TECTA: variants seen among roughly 807,000 people sequenced by gnomAD.
TECTA encodes tectorin alpha.
TECTA carries 128 observed loss-of-function variants against 216.8 expected under a neutral mutation model. The ratio of observed to expected loss-of-function variants is 0.59; its 90% CI spans 0.51 to 0.68. TECTA has a LOEUF of 0.68. TECTA is among the 30% of genes least tolerant of loss of function. TECTA has a pLI of 0.00. For missense variants in TECTA, 2,551 were observed against 2,786.2 expected (o/e 0.92, Z 1.90); for synonymous variants, 1,089 against 1,117.1 (o/e 0.97, Z 0.50).
intron 20 of TECTA, among the ~76,000 whole-genome samples, chr11:121,171,432 T>C (rs993125361): frequency 1.3e-5 from 2 of 152,100 alleles, no homozygotes; most frequent in African/African-American, 2.4e-5. Context: ...TTATACAAAT[T>C]TTAGGATTTT....
chr11:121,120,132 A>T (rs913010102), intron 7 of TECTA, among the ~76,000 whole-genome samples: 1 of 152,046 alleles, frequency 6.6e-6, no homozygotes, highest in Non-Finnish European at 1.5e-5. Context: ...TTGTATTTTG[A>T]TTAAAATTCT....
At chr11:121,133,082 T>C (rs568382681) in intron 10 of TECTA, among the ~76,000 whole-genome samples, 1 of 152,340 alleles carries the variant, frequency 6.6e-6, no homozygotes, top group African/African-American at 2.4e-5. Context: ...ACCTGGCCCA[T>C]TGTATTTCCT....
rs1946624692 is a variant in TECTA at position 121,127,522 on chromosome 11, G to C, written c.1775-230G>C. 6.6e-6 allele frequency among the ~76,000 whole-genome samples: 1 copy of C among 152,122 alleles called. No individual in the cohort carries two copies. The highest frequency in any genetic ancestry group is 2.4e-5 in the African/African-American group (1 of 41,422). ...ATCCTGAAAGTTTAATTTTAGTCAA[G>C]ATGATCAAATTCCAATAGAAGTTCA... is the stretch of plus-strand genomic sequence containing the variant. On this transcript the variant is annotated intron_variant, in intron 8 of 23. Transcript: ENST00000392793. The surrounding 1 kb of genome is among the most constrained non-coding windows in gnomAD (Gnocchi z 5.0).
chr11:121,137,275 AATGC>A, intron 10 of TECTA, 142 bp from the exon 11 acceptor site: 1 of 1,054,302 alleles, frequency 9.5e-7, no homozygotes, highest in Non-Finnish European at 1.4e-6. Context: ...TGCATGCACA[AATGC>A]ATGCATACAC....
chr11:121,148,643 A>G (rs1342975855), intron 12 of TECTA, among the ~76,000 whole-genome samples: 2 of 152,146 alleles, frequency 1.3e-5, no homozygotes, highest in African/African-American at 4.8e-5. Flanking sequence ...AATTAATCCA[A>G]TCTAGCAATT....
intron 17 of TECTA, 112 bp downstream of exon 17, chr11:121,165,495 T>C: frequency 1.2e-6 from 1 of 837,514 alleles, no homozygotes; most frequent in Non-Finnish European, 1.9e-6. Context: ...AGTGAAGCTT[T>C]CAGGAGCATT....
chr11:121,189,827 C>T lies in TECTA; in HGVS notation c.6314C>T (p.Pro2105Leu), dbSNP rs748619631. 6.2e-6 allele frequency: 10 copies of T among 1,613,720 alleles called. No homozygotes were observed. The Admixed American group carries it at 8.3e-5, about 13-fold the overall frequency. The change falls in exon 23 of 24, where the codon CCT (proline) becomes CTT (leucine). Residue 2105 changes from proline (P) to leucine (L), a missense_variant. Pro to Leu is a moderately conservative substitution (Grantham distance 98). Transcript: ENST00000392793. ...ATTTGCACGAGCCGGGTGGATGGGC[C>T]TCTCTGCAGCTGTGTAACAGGAACC... ...EQICTSRVDG[P>L]LCSCVTGTLQ...
chr11:121,124,786 T>G (rs1056245216), intron 7 of TECTA, among the ~76,000 whole-genome samples: 1 of 152,160 alleles, frequency 6.6e-6, no homozygotes, highest in Non-Finnish European at 1.5e-5. Flanking sequence ...AGTACAACAC[T>G]TGGAGAATAC....
rs572227550 is a variant in TECTA at position 121,116,242 on chromosome 11, C to T, written c.791-2064C>T. On this transcript the variant is annotated intron_variant, in intron 6 of 23. Coordinates refer to ENST00000392793, the MANE Select transcript of TECTA (RefSeq NM_005422.4). ...CCTCCTCCCCTACAGAGTGTAAATA[C>T]GGCATCACTTAAGGTCTGTGAGAGA... is the stretch of plus-strand genomic sequence containing the variant. Among the ~76,000 whole-genome samples the T allele has an allele frequency of 1.6e-4, 25 of 152,292 alleles. No individual in the cohort carries two copies. The Middle Eastern group carries it at 0.024, about 145-fold the overall frequency.
intron 1 of TECTA, among the ~76,000 whole-genome samples, chr11:121,101,663 A>G (rs1042328904): frequency 4.6e-5 from 7 of 152,252 alleles, no homozygotes; most frequent in South Asian, 2.1e-4. Context: ...AAAGATTTGC[A>G]ATAAAACTCT....
chr11:121,162,421 G>C (rs1947010769), intron 16 of TECTA, 51 bp downstream of exon 16: 6 of 1,581,458 alleles, frequency 3.8e-6, no homozygotes, highest in Middle Eastern at 1.7e-4. Context: ...GAAAAGAACA[G>C]CTTTGCTGGT....
At chr11:121,147,099 T>A (rs1946845756) in intron 12 of TECTA, among the ~76,000 whole-genome samples, 1 of 152,186 alleles carries the variant, frequency 6.6e-6, no homozygotes, top group Non-Finnish European at 1.5e-5. Flanking sequence ...GGGGAAACAC[T>A]GTTGGTCTTT....
At chr11:121,161,218 G>A (rs1946994946) in intron 15 of TECTA, among the ~76,000 whole-genome samples, 1 of 152,104 alleles carries the variant, frequency 6.6e-6, no homozygotes, top group Non-Finnish European at 1.5e-5. Context: ...GGGACTCAGA[G>A]CTGTGAAAAT....
At chr11:121,177,130 G>A (rs1299292940) in intron 20 of TECTA, among the ~76,000 whole-genome samples, 1 of 152,006 alleles carries the variant, frequency 6.6e-6, no homozygotes, top group Non-Finnish European at 1.5e-5. Context: ...ATTTCCTCCT[G>A]TAGCTCGGAG....
rs1946365704 is a variant in TECTA, at chr11:121,103,582, G to C, written c.64+853G>C. Reference sequence around the variant, plus strand: ...CAAGAAAGTACATTTTATTTGGTGGGAAAAAAAAAATCCTGGAAACATAGC... The same window carrying C: ...CAAGAAAGTACATTTTATTTGGTGGCAAAAAAAAAATCCTGGAAACATAGC... On this transcript the variant is annotated intron_variant, in intron 2 of 23. Transcript: ENST00000392793. 2.7e-5 allele frequency among the ~76,000 whole-genome samples: 4 copies of C among 148,784 alleles called. No individual in the cohort carries two copies. The South Asian group carries it at 8.5e-4, about 32-fold the overall frequency.
chr11:121,190,186 GGCTA>G, intron 23 of TECTA: 1 of 394,844 alleles, frequency 2.5e-6, no homozygotes, highest in Non-Finnish European at 4.8e-6. Context: ...AGTCTACTTG[GGCTA>G]AGGTTGGGAT....
chr11:121,155,129 G>A (rs1290592207), intron 13 of TECTA, among the ~76,000 whole-genome samples: 1 of 152,120 alleles, frequency 6.6e-6, no homozygotes, highest in Non-Finnish European at 1.5e-5. Flanking sequence ...AAATTTCTTC[G>A]GAAATGAATA....
chr11:121,127,846 C>T lies in TECTA; in HGVS notation c.1869C>T (p.Cys623=), dbSNP rs747023189. The T allele has an allele frequency of 1.9e-6, 3 of 1,614,098 alleles. No homozygotes were observed. Among genetic ancestry groups the T allele is most frequent in the East Asian group, 2.2e-5 (1 of 44,886 alleles). ...CCGACCTGACGGCCTCGCGGAACTG[C>T]GCCACGCCGTGCACAGAGGGCTGCG... ...TCSDLTASRN[C]ATPCTEGCEC... is the part of the protein sequence containing the mutation. The change falls in exon 9 of 24, where the codon TGC becomes TGT. Residue 623 remains cysteine, a synonymous_variant. Coordinates refer to ENST00000392793, the MANE Select transcript of TECTA (RefSeq NM_005422.4). This position sits in a 1 kb window ranked among gnomAD's most constrained non-coding sequence, Gnocchi z 5.0.
At chr11:121,172,457 T>C (rs1408682331) in intron 20 of TECTA, among the ~76,000 whole-genome samples, 2 of 152,058 alleles carry the variant, frequency 1.3e-5, no homozygotes, top group Admixed American at 6.5e-5. Flanking sequence ...TTTGTTCTTG[T>C]GATAGTTTAC....
Sources: allele counts gnomAD v4.1 joint callset (sites outside exome capture counted in the v4.1 genomes callset), GRCh38; gene constraint gnomAD v4.1.1; non-coding constraint Gnocchi (gnomAD v3.1); transcripts MANE v1.5; gene names NCBI Gene and HGNC (gene_info 2026-07-23, HGNC 2026-07-21).